CYTH2: variants seen among roughly 807,000 people sequenced by gnomAD.
The protein encoded by CYTH2 is cytohesin-2.
Under a neutral mutation model 55.4 loss-of-function variants are expected in CYTH2, and 24 were observed. The observed-to-expected ratio is 0.43, with a 90% CI of 0.31 to 0.61. The LOEUF (loss-of-function observed/expected upper bound fraction) is 0.61. Among genes scored for constraint, CYTH2 ranks in the 20% least tolerant of loss-of-function variants. CYTH2 has a pLI of 0.08. For missense variants in CYTH2, 378 were observed against 533.5 expected, an observed-to-expected ratio of 0.71 and a Z score of 2.87; for synonymous variants, 221 against 209.6, an observed-to-expected ratio of 1.05 and a Z score of -0.47.
At chr19:48,472,724 T>G in intron 4 of CYTH2, 2 of 465,262 alleles carry the variant, frequency 4.3e-6, no homozygotes. Flanking sequence ...AGAACATCTC[T>G]CAAGGATCAT....
intron 8 of CYTH2, chr19:48,476,421 C>CA (rs1312798505): frequency 6.7e-6 from 1 of 149,658 alleles, no homozygotes; most frequent in African/African-American, 3.0e-5. Context: ...ATAAAACATG[C>CA]AAATCACTGT....
intron 1 of CYTH2, chr19:48,470,034 C>G (rs1038116585): frequency 3.3e-6 from 2 of 599,950 alleles, no homozygotes; most frequent in African/African-American, 1.8e-5. Flanking sequence ...AGGCCTCAGT[C>G]CCCTTCCAAG....
chr19:48,470,127 A>G, intron 1 of CYTH2: 1 of 732,576 alleles, frequency 1.4e-6, no homozygotes, highest in Non-Finnish European at 2.4e-6. Context: ...TCTCCCTCAG[A>G]CTCAGGAATC....
chr19:48,472,383 G>A lies in CYTH2; in HGVS notation c.293G>A (p.Arg98His), dbSNP rs141764075. The A allele has an allele frequency of 1.4e-5, 23 of 1,613,952 alleles. No individual in the cohort carries two copies. The African/African-American group carries it at 1.7e-4, about 12-fold the overall frequency. ...LLQNTPEEIA[R>H]FLYKGEGLNK... The stretch of plus-strand genomic sequence containing the variant: ...CAGAACACACCCGAGGAGATCGCCC[G>A]CTTCCTGTACAAGGGCGAGGGGCTG... Residue 98 changes from arginine (R) to histidine (H), a missense_variant, in exon 4 of 12, where the codon CGC becomes CAC. Physicochemically the swap from Arg to His is conservative, Grantham distance 29 (BLOSUM62 0). Coordinates refer to ENST00000452733, the MANE Select transcript of CYTH2 (RefSeq NM_004228.7).
chr19:48,469,700 C>T, intron 1 of CYTH2, 174 bp downstream of exon 1: 4 of 1,054,208 alleles, frequency 3.8e-6, no homozygotes, highest in Non-Finnish European at 5.3e-6. Context: ...GCCCGAAAGC[C>T]GGGCGTTCCA....
rs753321871 is a variant in CYTH2, at chr19:48,470,507, G to C, written c.167+7G>C. ...TGGAGGCCAATGAGGGCAGGTGAGG[G>C]CTGGGGCGGATGACCTAGGGGGCGT... On this transcript the variant is annotated splice_region_variant and intron_variant, in intron 2 of 11. Coordinates refer to ENST00000452733, the MANE Select transcript of CYTH2 (RefSeq NM_004228.7). 1 of 1,613,726 alleles carries C rather than the reference G, an allele frequency of 6.2e-7. No individual in the cohort carries two copies. The highest frequency in any genetic ancestry group is 2.2e-5 in the East Asian group (1 of 44,884).
rs567227382 is a variant in CYTH2 at position 48,479,267 on chromosome 19, C to T, written c.*57C>T. ...GAGCTGCCCCGCCTGGGTGGCCGGA[C>T]CCCTGGGCCTTGGGGCTGTGGATCC... On this transcript the variant is annotated 3_prime_UTR_variant, in exon 12 of 12. Coordinates refer to ENST00000452733, the MANE Select transcript of CYTH2 (RefSeq NM_004228.7). The T allele has an allele frequency of 1.4e-5, 22 of 1,589,288 alleles. No homozygotes were observed. The highest frequency in any genetic ancestry group is 1.3e-4 in the Admixed American group (8 of 59,660).
At position 48,472,635 on chromosome 19, in the gene CYTH2, A is replaced by C. The variant is rs559242577; in HGVS notation, c.353+192A>C. 119 of 640,306 alleles carry C rather than the reference A, an allele frequency of 1.9e-4. No homozygotes were observed. The South Asian group carries it at 1.9e-3, about 10-fold the overall frequency. 39.7% of individuals were successfully genotyped at this position (640,306 alleles called of 1,614,324 possible). Reference sequence around the variant, plus strand: ...GGCTAGGGGAGCCTGCGGCCAACCGAGAGCATCTGGGGATGTGGGGCCTTC... The same window carrying C: ...GGCTAGGGGAGCCTGCGGCCAACCGCGAGCATCTGGGGATGTGGGGCCTTC... On this transcript the variant is annotated intron_variant, in intron 4 of 11. Transcript: ENST00000452733.
rs144628043 is a variant in CYTH2, at chr19:48,475,654, A to G, written c.808+705A>G. On this transcript the variant is annotated intron_variant, in intron 8 of 11. Coordinates refer to ENST00000452733, the MANE Select transcript of CYTH2 (RefSeq NM_004228.7). Reference sequence around the variant, plus strand: ...ATGATGAGGGGTTAGCACAAGGACTAGAGTGGTTCTCAGCCCTGGCTGTAC... The same window carrying G: ...ATGATGAGGGGTTAGCACAAGGACTGGAGTGGTTCTCAGCCCTGGCTGTAC... 2.1e-3 allele frequency: 373 copies of G among 175,062 alleles called. 3 individuals are homozygous for G. Among genetic ancestry groups the G allele is most frequent in the African/African-American group, 8.3e-3 (349 of 41,952 alleles). 10.8% of individuals were successfully genotyped at this position (175,062 alleles called of 1,614,324 possible).
chr19:48,472,665 A>G (rs1282646820), intron 4 of CYTH2: 4 of 593,408 alleles, frequency 6.7e-6, no homozygotes, highest in Non-Finnish European at 1.2e-5. Context: ...GCCTTCTGGA[A>G]TTACCTGGCA....
chr19:48,477,646 G>A (rs1040341632), intron 8 of CYTH2: 20 of 191,690 alleles, frequency 1.0e-4, no homozygotes, highest in Non-Finnish European at 9.8e-5. Context: ...GCGGCTCTTG[G>A]GGGTGCTCCA....
Position 48,478,331 on chromosome 19 carries a change from C to A in CYTH2, c.942C>A (p.Asp314Glu), listed in dbSNP as rs367971748. 2 of 1,614,068 alleles carry A rather than the reference C, an allele frequency of 1.2e-6. No homozygotes were observed. The highest frequency in any genetic ancestry group is 1.7e-6 in the Non-Finnish European group (2 of 1,180,006). Residue 314 changes from aspartate to glutamate, a missense_variant, in exon 10 of 12, where the codon GAC (aspartate) becomes GAA (glutamate). Transcript: ENST00000452733. ...AGAATCTGAGCATCCGAGAGGTGGA[C>A]GACCCCCGGAAACCGGTAAGACCCT... Reference protein sequence around the residue: ...PLENLSIREVDDPRKPNCFEL... With the variant: ...PLENLSIREVEDPRKPNCFEL...
Position 48,479,299 on chromosome 19 carries a change from C to A in CYTH2, c.*89C>A. The A allele has an allele frequency of 7.1e-7, 1 of 1,416,014 alleles. No individual in the cohort carries two copies. Among genetic ancestry groups the A allele is most frequent in the Non-Finnish European group, 9.9e-7 (1 of 1,012,168 alleles). 87.7% of individuals were successfully genotyped at this position (1,416,014 alleles called of 1,614,324 possible). On this transcript the variant is annotated 3_prime_UTR_variant, in exon 12 of 12. Coordinates refer to ENST00000452733, the MANE Select transcript of CYTH2 (RefSeq NM_004228.7). ...GCCTTGGGGCTGTGGATCCTGGTTC[C>A]CTGTTTGGAAAATTCACCACCTCTA...
intron 5 of CYTH2, 116 bp downstream of exon 5, chr19:48,473,494 A>C (rs1601022643): frequency 9.6e-7 from 1 of 1,042,582 alleles, no homozygotes; most frequent in East Asian, 2.5e-5. Context: ...AGAAACAAAA[A>C]CTAGGGAACT....
intron 3 of CYTH2, among the ~76,000 whole-genome samples, chr19:48,471,166 T>TTGTGTGTGTGTGTGTGTGTGTG (rs372484993): frequency 0.013 from 2,018 of 150,602 alleles, 57 homozygotes; most frequent in African/African-American, 0.046. Context: ...CACCTACTCT[T>TTGTGTGTGTGTGTGTGTGTGTG]TGTGTGTGTG....
Position 48,470,624 on chromosome 19 carries a change from G to C in CYTH2, c.189G>C (p.Arg63=). Residue 63 remains arginine, a synonymous_variant, in exon 3 of 12, where the codon CGG becomes CGC. Coordinates refer to ENST00000452733, the MANE Select transcript of CYTH2 (RefSeq NM_004228.7). Reference sequence around the variant, plus strand: ...GCAGTAAGACCTTGCAACGGAACCGGAAGATGGCAATGGGCAGGAAGAAGT... The same window carrying C: ...GCAGTAAGACCTTGCAACGGAACCGCAAGATGGCAATGGGCAGGAAGAAGT... The part of the protein sequence containing the change: ...NEGSKTLQRN[R]KMAMGRKKFN... The C allele has an allele frequency of 6.2e-7, 1 of 1,614,246 alleles. No homozygotes were observed. The highest frequency in any genetic ancestry group is 8.5e-7 in the Non-Finnish European group (1 of 1,180,044).
rs1455607403 is a variant in CYTH2 at position 48,478,095 on chromosome 19, C to T, written c.835C>T (p.Arg279Cys). ...LGGRVKTWKR[R>C]WFILTDNCLY... ...GGGCCGGGTGAAGACGTGGAAGCGG[C>T]GCTGGTTTATCCTCACAGACAACTG... is the stretch of plus-strand genomic sequence containing the variant. The change falls in exon 9 of 12, where the codon CGC (arginine) becomes TGC (cysteine). Residue 279 changes from arginine to cysteine, a missense_variant. Coordinates refer to ENST00000452733, the MANE Select transcript of CYTH2 (RefSeq NM_004228.7). The T allele has an allele frequency of 3.1e-6, 5 of 1,614,108 alleles. No homozygotes were observed. Among genetic ancestry groups the T allele is most frequent in the East Asian group, 2.2e-5 (1 of 44,880 alleles).
At position 48,470,334 on chromosome 19, in the gene CYTH2, C is replaced by T. The variant is rs776915715; in HGVS notation, c.20-19C>T. 3.1e-6 allele frequency: 5 copies of T among 1,595,074 alleles called. No homozygotes were observed. The highest frequency in any genetic ancestry group is 1.1e-5 in the South Asian group (1 of 88,960). On this transcript the variant is annotated intron_variant, in intron 1 of 11. Coordinates refer to ENST00000452733, the MANE Select transcript of CYTH2 (RefSeq NM_004228.7). ...ACGGCCCCTAGCACTGACTTTTAAA[C>T]CTTGACCCCGATCCCTAGAACCCCC...
chr19:48,478,653 TGGA>T (rs1971977450), intron 11 of CYTH2, 61 bp downstream of exon 11: 1 of 1,283,856 alleles, frequency 7.8e-7, no homozygotes, highest in Non-Finnish European at 1.0e-6. Flanking sequence ...CTGGGTCTGA[TGGA>T]GGAGGGGCAG....
Sources: gnomAD v4.1 joint callset for allele counts (sites outside exome capture counted in the v4.1 genomes callset) on GRCh38, gnomAD v4.1.1 for gene constraint, MANE v1.5 for transcripts, NCBI Gene and HGNC (gene_info 2026-07-23, HGNC 2026-07-21) for gene names.